Variants in RAP1GAP observed in about 807,000 individuals in gnomAD.
RAP1GAP encodes rap1 GTPase-activating protein 1.
RAP1GAP carries 35 observed loss-of-function variants against 87.2 expected under a neutral mutation model. The observed-to-expected ratio is 0.40, with a 90% CI of 0.31 to 0.53. The LOEUF is 0.53. RAP1GAP is among the 20% of genes least tolerant of loss of function. The pLI is 0.48. For missense variants in RAP1GAP, 734 were observed against 898.9 expected (o/e 0.82, Z 2.35); for synonymous variants, 375 against 363.9 (o/e 1.03, Z -0.35).
rs753131465 is a variant in RAP1GAP, at chr1:21,634,886, AAGG to A, written c.-112-8492_-112-8490del. ...ACTGACTCCTCCCCTGCACTGGGGT[AAGG>A]AGGAGGAGTGACTCTGAGATGACCC... On this transcript the variant is annotated intron_variant, in intron 2 of 24. Coordinates refer to ENST00000374765, the MANE Select transcript of RAP1GAP (RefSeq NM_002885.4). This position sits in a 1 kb window ranked among gnomAD's most constrained non-coding sequence, Gnocchi z 4.1. The A allele has an allele frequency of 5.6e-5, 12 of 212,484 alleles. No homozygotes were observed. The highest frequency in any genetic ancestry group is 1.1e-4 in the Non-Finnish European group (10 of 92,018). 13.2% of individuals were successfully genotyped at this position (212,484 alleles called of 1,614,324 possible).
chr1:21,639,028 G>A (rs1456241563), intron 2 of RAP1GAP, among the ~76,000 whole-genome samples: 2 of 152,378 alleles, frequency 1.3e-5, no homozygotes, highest in East Asian at 1.9e-4. Context: ...GCACAGAAGT[G>A]GCCCAGGCAG....
In RAP1GAP at chr1:21,599,559, T is replaced by C. The variant is rs770941921; in HGVS notation, c.1711A>G (p.Ser571Gly). ...ALKDFSRSSS[S>G]ASSFASVVEE... ...ACCACGCTGGCGAAGCTGCTGGCACTGGACGAGGAGCGGGAGAAGTCCTTG... is the reference window on the plus strand; with the variant it reads ...ACCACGCTGGCGAAGCTGCTGGCACCGGACGAGGAGCGGGAGAAGTCCTTG... The change falls in exon 21 of 25, where the codon AGT becomes GGT. Residue 571 changes from serine to glycine, a missense_variant. Transcript: ENST00000374765. 1.9e-6 allele frequency: 3 copies of C among 1,609,660 alleles called. No individual in the cohort carries two copies. The highest frequency in any genetic ancestry group is 2.2e-5 in the East Asian group (1 of 44,880).
rs1374409426 is a variant in RAP1GAP, at chr1:21,625,477, G to A, written c.-19+827C>T. 3.3e-5 allele frequency among the ~76,000 whole-genome samples: 5 copies of A among 152,292 alleles called. No homozygotes were observed. The East Asian group carries it at 9.7e-4, about 29-fold the overall frequency. ...GAGAGGCCCTAACACCAGGCCCTCT[G>A]GTCAGACAGCTTGCATCCGGTCGTG... On this transcript the variant is annotated intron_variant, in intron 3 of 24. Coordinates refer to ENST00000374765, the MANE Select transcript of RAP1GAP (RefSeq NM_002885.4).
chr1:21,653,857 A>C (rs1398929814), intron 1 of RAP1GAP, among the ~76,000 whole-genome samples: 1 of 151,902 alleles, frequency 6.6e-6, no homozygotes, highest in Admixed American at 6.6e-5. Context: ...TTTCAGTGGG[A>C]ATGATTCCTG....
At chr1:21,633,796 C>T (rs1308547772) in intron 2 of RAP1GAP, among the ~76,000 whole-genome samples, 1 of 152,192 alleles carries the variant, frequency 6.6e-6, no homozygotes, top group East Asian at 1.9e-4. Flanking sequence ...GGCCTGGGTC[C>T]AGTTCCCTGG....
intron 1 of RAP1GAP, among the ~76,000 whole-genome samples, chr1:21,663,645 G>A (rs1273085077): frequency 6.6e-6 from 1 of 152,204 alleles, no homozygotes; most frequent in Admixed American, 6.5e-5. Flanking sequence ...CCTCTGAGCA[G>A]GGTACTGGGG....
At position 21,603,602 on chromosome 1, in the gene RAP1GAP, G is replaced by A; in HGVS notation, c.1429-689C>T. On this transcript the variant is annotated intron_variant, in intron 18 of 24. Transcript: ENST00000374765. This position sits in a 1 kb window ranked among gnomAD's most constrained non-coding sequence, Gnocchi z 6.0. The stretch of plus-strand genomic sequence containing the variant: ...GGCAGGGACTGGGCCAGGGTCCCAG[G>A]GGCCAAGGCAGGGCCAGAAGCCCCT... 1.4e-6 allele frequency: 1 copy of A among 691,454 alleles called. No homozygotes were observed. The highest frequency in any genetic ancestry group is 2.6e-6 in the Non-Finnish European group (1 of 379,372). The allele number at this position is 691,454 out of a possible 1,614,324, so 42.8% of individuals were successfully genotyped here. A position where few individuals can be genotyped will look rare whatever the true frequency, so the allele number is the denominator to read the frequency against.
chr1:21,663,465 C>T (rs1437888517), intron 1 of RAP1GAP, among the ~76,000 whole-genome samples: 1 of 152,200 alleles, frequency 6.6e-6, no homozygotes, highest in Non-Finnish European at 1.5e-5. Flanking sequence ...GGCAGCCTCT[C>T]GAGGGTCCCT....
chr1:21,614,030 C>T lies in RAP1GAP; in HGVS notation c.351G>A (p.Lys117=). 1.9e-6 allele frequency: 3 copies of T among 1,613,006 alleles called. No homozygotes were observed. Among genetic ancestry groups the T allele is most frequent in the Non-Finnish European group, 2.5e-6 (3 of 1,179,396 alleles). ...AALGHLVFSL[K]YDVIGDQEHL... Reference sequence around the variant, plus strand: ...GCTCTTGGTCCCCGATGACATCGTACTTGAGTGAGAAGACAAGGTGGCCGA... The same window carrying T: ...GCTCTTGGTCCCCGATGACATCGTATTTGAGTGAGAAGACAAGGTGGCCGA... The change falls in exon 8 of 25, where the codon AAG becomes AAA. Residue 117 remains lysine, a synonymous_variant. Coordinates refer to ENST00000374765, the MANE Select transcript of RAP1GAP (RefSeq NM_002885.4).
chr1:21,613,296 G>A lies in RAP1GAP; in HGVS notation c.475-67C>T. 1 of 1,399,322 alleles carries A rather than the reference G, an allele frequency of 7.1e-7. No homozygotes were observed. Among genetic ancestry groups the A allele is most frequent in the African/African-American group, 1.4e-5 (1 of 70,490 alleles). The allele number at this position is 1,399,322 out of a possible 1,614,324, so 86.7% of individuals were successfully genotyped here. Reference sequence around the variant, plus strand: ...GGGAGGAGAGGATGGGGCTGCCTGGGCCTCCCTGGTCAAGGTCTGGGGAGG... The same window carrying A: ...GGGAGGAGAGGATGGGGCTGCCTGGACCTCCCTGGTCAAGGTCTGGGGAGG... On this transcript the variant is annotated intron_variant, in intron 9 of 24. Coordinates refer to ENST00000374765, the MANE Select transcript of RAP1GAP (RefSeq NM_002885.4). The surrounding 1 kb of genome is among the most constrained non-coding windows in gnomAD (Gnocchi z 4.7).
At chr1:21,652,129 C>G (rs1307297969) in intron 1 of RAP1GAP, among the ~76,000 whole-genome samples, 1 of 149,694 alleles carries the variant, frequency 6.7e-6, no homozygotes, top group African/African-American at 2.4e-5. Flanking sequence ...CGCCGCCCCC[C>G]GTCCAGGCCG....
chr1:21,618,336 C>T (rs1473066737), intron 5 of RAP1GAP, among the ~76,000 whole-genome samples: 3 of 152,140 alleles, frequency 2.0e-5, no homozygotes, highest in Non-Finnish European at 4.4e-5. Context: ...GGGCCTCTGC[C>T]CCAAAGAGAG....
At chr1:21,637,855 C>A (rs1278951544) in intron 2 of RAP1GAP, among the ~76,000 whole-genome samples, 1 of 151,076 alleles carries the variant, frequency 6.6e-6, no homozygotes, top group African/African-American at 2.4e-5. Context: ...ACATGGCTGG[C>A]CGGGAGTGGT....
intron 1 of RAP1GAP, among the ~76,000 whole-genome samples, chr1:21,660,339 C>CTATTTATATATA (rs563814821): frequency 1.3e-4 from 7 of 52,858 alleles, no homozygotes; most frequent in African/African-American, 2.8e-4. Context: ...TCCAACTCAG[C>CTATTTATATATA]TATATATATT....
intron 6 of RAP1GAP, 79 bp from the exon 7 acceptor site, chr1:21,617,570 G>T: frequency 6.8e-6 from 10 of 1,462,206 alleles, no homozygotes; most frequent in Middle Eastern, 2.4e-4. Flanking sequence ...ACTCAGACCT[G>T]GAGCCGCTTC....
At chr1:21,638,524 C>G (rs1012350564) in intron 2 of RAP1GAP, among the ~76,000 whole-genome samples, 1 of 151,716 alleles carries the variant, frequency 6.6e-6, no homozygotes, top group Admixed American at 6.6e-5. Flanking sequence ...CCCAAAAGCC[C>G]TCAGAATTTT....
At chr1:21,621,953 C>G (rs780346118) in intron 3 of RAP1GAP, among the ~76,000 whole-genome samples, 23 of 152,220 alleles carry the variant, frequency 1.5e-4, no homozygotes, top group Non-Finnish European at 2.8e-4. Context: ...CCCTGACACA[C>G]GCGAGGGCTC....
chr1:21,603,969 G>T lies in RAP1GAP; in HGVS notation c.1429-1056C>A. 1 of 1,327,308 alleles carries T rather than the reference G, an allele frequency of 7.5e-7. No individual in the cohort carries two copies. The highest frequency in any genetic ancestry group is 1.0e-6 in the Non-Finnish European group (1 of 970,666). The allele number at this position is 1,327,308 out of a possible 1,614,324, so 82.2% of individuals were successfully genotyped here. Reference sequence around the variant, plus strand: ...AGAGAGACAGAGAGAGAGTCAGAGAGCAAGAGAGATGGTGGGAGGGAGACA... The same window carrying T: ...AGAGAGACAGAGAGAGAGTCAGAGATCAAGAGAGATGGTGGGAGGGAGACA... On this transcript the variant is annotated intron_variant, in intron 18 of 24. Transcript: ENST00000374765. The surrounding 1 kb of genome is among the most constrained non-coding windows in gnomAD (Gnocchi z 6.0).
chr1:21,652,112 T>G (rs1436920503), intron 1 of RAP1GAP, among the ~76,000 whole-genome samples: 2 of 105,482 alleles, frequency 1.9e-5, no homozygotes, highest in African/African-American at 3.4e-5. Flanking sequence ...CCCACCCCCT[T>G]CCCGGCCGCC....
Sources: allele counts gnomAD v4.1 joint callset (sites outside exome capture counted in the v4.1 genomes callset), GRCh38; gene constraint gnomAD v4.1.1; non-coding constraint Gnocchi (gnomAD v3.1); transcripts MANE v1.5; gene names NCBI Gene and HGNC (gene_info 2026-07-23, HGNC 2026-07-21).